Variants in UGT2B17 observed in about 807,000 individuals in gnomAD.
UGT2B17 encodes the protein UDP-glucuronosyltransferase 2B17.
UGT2B17 carries 21 observed loss-of-function variants against 48.2 expected under a neutral mutation model. That is an observed-to-expected ratio of 0.44 (90% CI 0.31 to 0.63). The LOEUF (loss-of-function observed/expected upper bound fraction) is 0.63. Among genes scored for constraint, UGT2B17 ranks in the 20% least tolerant of loss-of-function variants. UGT2B17 has a pLI of 0.08. For missense variants in UGT2B17, 402 were observed against 696.1 expected (o/e 0.58, Z 4.75); for synonymous variants, 146 against 238.4 (o/e 0.61, Z 3.57).
rs1731373094 is a variant in UGT2B17 at position 68,576,232 on chromosome 4, A to C, written c.-346T>G. ...GCCAAGAAATGTAGCAGGACGAGCC[A>C]CAGACAAAACCTCTCAGACATCGAG... On this transcript the variant is annotated 5_prime_UTR_variant, in exon 1 of 7. Coordinates refer to ENST00000317746, the MANE Select transcript of UGT2B17 (RefSeq NM_001077.4). Among the ~76,000 whole-genome samples, 1 of 126,000 alleles carries C rather than the reference A, an allele frequency of 7.9e-6. No homozygotes were observed. The highest frequency in any genetic ancestry group is 2.7e-5 in the African/African-American group (1 of 36,692). The allele number at this position is 126,000 out of a possible 152,430, so 82.7% of individuals were successfully genotyped here.
rs1465729751 is a variant in UGT2B17 at position 68,565,448 on chromosome 4, T to C, written c.873+124A>G. 4.4e-6 allele frequency: 4 copies of C among 900,750 alleles called. 1 individual carries two copies. The highest frequency in any genetic ancestry group is 5.9e-6 in the Non-Finnish European group (4 of 676,364). 55.8% of individuals were successfully genotyped at this position (900,750 alleles called of 1,614,324 possible). The stretch of plus-strand genomic sequence containing the variant: ...AGTATAGAAATATATGATTTTCTAA[T>C]GGCAAGTCCTTTTTTTTGACCTCCC... On this transcript the variant is annotated intron_variant, in intron 3 of 6. Coordinates refer to ENST00000317746, the MANE Select transcript of UGT2B17 (RefSeq NM_001077.4).
chr4:68,541,075 C>A lies in UGT2B17; in HGVS notation c.1314-3171G>T, dbSNP rs541812406. On this transcript the variant is annotated intron_variant, in intron 6 of 6. Transcript: ENST00000317746. ...ATGAGTATTTGTGTTGGTTCCATAT[C>A]TTTGATATTGTAGATAGTGCTGCAA... Among the ~76,000 whole-genome samples, 195 of 125,626 alleles carry A rather than the reference C, an allele frequency of 1.6e-3. 42 individuals carry two copies. Among genetic ancestry groups the A allele is most frequent in the African/African-American group, 5.3e-3 (194 of 36,738 alleles). The allele number at this position is 125,626 out of a possible 152,430, so 82.4% of individuals were successfully genotyped here. A position where few individuals can be genotyped will look rare whatever the true frequency, so the allele number is the denominator to read the frequency against.
intron 3 of UGT2B17, among the ~76,000 whole-genome samples, chr4:68,561,755 T>C (rs1731106991): frequency 9.3e-6 from 1 of 107,882 alleles, no homozygotes; most frequent in Middle Eastern, 5.0e-3. Context: ...ATCCATTCTC[T>C]AATGCCACAT....
intron 6 of UGT2B17, among the ~76,000 whole-genome samples, chr4:68,546,075 G>A (rs1398166804): frequency 1.6e-5 from 2 of 125,940 alleles, no homozygotes; most frequent in Admixed American, 8.1e-5. Flanking sequence ...CTCATTTTAT[G>A]AGGCCAACAT....
rs1290606106 is a variant in UGT2B17, at chr4:68,555,773, G to A, written c.1006-3862C>T. 2.7e-4 allele frequency among the ~76,000 whole-genome samples: 34 copies of A among 123,896 alleles called. 7 individuals carry two copies. Among genetic ancestry groups the A allele is most frequent in the African/African-American group, 9.0e-4 (33 of 36,616 alleles). 81.3% of individuals were successfully genotyped at this position (123,896 alleles called of 152,430 possible). A position where few individuals can be genotyped will look rare whatever the true frequency, so the allele number is the denominator to read the frequency against. ...GGGTATTTTTAAAAAAAAATTTGTA[G>A]GAAAACATTCTTTCCAAAAAAAAGT... On this transcript the variant is annotated intron_variant, in intron 4 of 6. Coordinates refer to ENST00000317746, the MANE Select transcript of UGT2B17 (RefSeq NM_001077.4).
In UGT2B17 at chr4:68,551,257, T is replaced by C. The variant is rs1283062972; in HGVS notation, c.1094-361A>G. 2.4e-5 allele frequency among the ~76,000 whole-genome samples: 3 copies of C among 126,154 alleles called. 1 individual carries two copies. The highest frequency in any genetic ancestry group is 1.5e-3 in the East Asian group (2 of 1,342). The allele number at this position is 126,154 out of a possible 152,430, so 82.8% of individuals were successfully genotyped here. Reference sequence around the variant, plus strand: ...ATAGTCTCTTAAGTAGTATAAATTATGCAGTCACATTTATATATTTAAAAA... The same window carrying C: ...ATAGTCTCTTAAGTAGTATAAATTACGCAGTCACATTTATATATTTAAAAA... On this transcript the variant is annotated intron_variant, in intron 5 of 6. Transcript: ENST00000317746.
rs550421107 is a variant in UGT2B17, at chr4:68,538,960, C to G, written c.1314-1056G>C. ...TGCTTCTATTTCTTTTTGAGGCTTC[C>G]CCTTAAATGATACCTCTTAGAGAGT... On this transcript the variant is annotated intron_variant, in intron 6 of 6. Transcript: ENST00000317746. Among the ~76,000 whole-genome samples the G allele has an allele frequency of 2.2e-4, 28 of 125,902 alleles. 10 individuals are homozygous for G. The South Asian group carries it at 8.8e-3, about 40-fold the overall frequency. The allele number at this position is 125,902 out of a possible 152,430, so 82.6% of individuals were successfully genotyped here.
Position 68,563,064 on chromosome 4 carries a change from C to T in UGT2B17, c.874-2396G>A, listed in dbSNP as rs924152979. ...ATTTGCTACTAATATTGAATCTTAC[C>T]ATCATGATTTATTCTCTGTACAGTT... On this transcript the variant is annotated intron_variant, in intron 3 of 6. Transcript: ENST00000317746. 4.8e-5 allele frequency among the ~76,000 whole-genome samples: 6 copies of T among 126,172 alleles called. 1 individual carries two copies. Among genetic ancestry groups the T allele is most frequent in the African/African-American group, 1.6e-4 (6 of 36,902 alleles). The allele number at this position is 126,172 out of a possible 152,430, so 82.8% of individuals were successfully genotyped here.
intron 4 of UGT2B17, among the ~76,000 whole-genome samples, chr4:68,552,239 T>G (rs1269968729): frequency 7.9e-6 from 1 of 126,608 alleles, no homozygotes; most frequent in African/African-American, 2.7e-5. Context: ...GCAAACCTAC[T>G]TCCCATTCTA....
rs1290549634 is a variant in UGT2B17, at chr4:68,546,531, T to A, written c.1313+4146A>T. Among the ~76,000 whole-genome samples, 4 of 125,940 alleles carry A rather than the reference T, an allele frequency of 3.2e-5. 1 individual carries two copies. The highest frequency in any genetic ancestry group is 6.7e-5 in the Non-Finnish European group (4 of 59,506). The allele number at this position is 125,940 out of a possible 152,430, so 82.6% of individuals were successfully genotyped here. ...AGACTGGTACAAGACAGGGATGCCC[T>A]CTCTCACCACTCCTATTCAACACAG... On this transcript the variant is annotated intron_variant, in intron 6 of 6. Transcript: ENST00000317746.
chr4:68,555,927 T>G (rs1413838882), intron 4 of UGT2B17, among the ~76,000 whole-genome samples: 3 of 116,840 alleles, frequency 2.6e-5, no homozygotes, highest in African/African-American at 8.7e-5. Context: ...TAAAAAGTTT[T>G]TTTTTTTTTT....
chr4:68,537,856 C>A lies in UGT2B17; in HGVS notation c.1362G>T (p.Pro454=), dbSNP rs746870450. The A allele has an allele frequency of 7.3e-7, 1 of 1,375,178 alleles. No individual in the cohort carries two copies. Among genetic ancestry groups the A allele is most frequent in the Non-Finnish European group, 9.5e-7 (1 of 1,052,734 alleles). The allele number at this position is 1,375,178 out of a possible 1,614,324, so 85.2% of individuals were successfully genotyped here. A position where few individuals can be genotyped will look rare whatever the true frequency, so the allele number is the denominator to read the frequency against. ...MKLSRIHHDQ[P]VKPLDRAVFW... is the part of the protein sequence containing the mutation. ...AGACTGCTCGATCCAGGGGCTTCAC[C>A]GGTTGATCATGATGAATTCTTGATA... Residue 454 remains proline (P), a synonymous_variant, in exon 7 of 7, where the codon CCG becomes CCT. Transcript: ENST00000317746.
In UGT2B17 at chr4:68,541,575, G is replaced by C. The variant is rs546819693; in HGVS notation, c.1314-3671C>G. On this transcript the variant is annotated intron_variant, in intron 6 of 6. Transcript: ENST00000317746. ...TGTCAGAGGGATAGATTGCAAAAAT[G>C]TTCCCTCATTCTGTAGGTTGCCTGT... 1.6e-5 allele frequency among the ~76,000 whole-genome samples: 2 copies of C among 125,866 alleles called. 1 individual carries two copies. Among genetic ancestry groups the C allele is most frequent in the Non-Finnish European group, 3.4e-5 (2 of 59,466 alleles). 82.6% of individuals were successfully genotyped at this position (125,866 alleles called of 152,430 possible).
intron 1 of UGT2B17, among the ~76,000 whole-genome samples, chr4:68,573,274 G>T (rs2109781109): frequency 7.9e-6 from 1 of 126,968 alleles, no homozygotes; most frequent in Non-Finnish European, 1.7e-5. Context: ...TCCAGTCTGG[G>T]TTAAAACTCC....
chr4:68,546,271 G>A (rs1177119752), intron 6 of UGT2B17, among the ~76,000 whole-genome samples: 2 of 125,746 alleles, frequency 1.6e-5, no homozygotes, highest in South Asian at 3.7e-4. Context: ...CTAGTTCAAC[G>A]TACACAAATC....
chr4:68,547,039 C>G lies in UGT2B17; in HGVS notation c.1313+3638G>C, dbSNP rs1730825983. Among the ~76,000 whole-genome samples the G allele has an allele frequency of 1.8e-5, 2 of 111,270 alleles. 1 individual carries two copies. The highest frequency in any genetic ancestry group is 2.0e-4 in the Admixed American group (2 of 10,146). The allele number at this position is 111,270 out of a possible 152,430, so 73.0% of individuals were successfully genotyped here. Reference sequence around the variant, plus strand: ...TAGATCCAATGCCATCCCCATCAAGCTACCAATGACTTTCTTCACAGAATT... The same window carrying G: ...TAGATCCAATGCCATCCCCATCAAGGTACCAATGACTTTCTTCACAGAATT... On this transcript the variant is annotated intron_variant, in intron 6 of 6. Transcript: ENST00000317746.
In UGT2B17 at chr4:68,574,953, C is replaced by CT. The variant is rs1731349240; in HGVS notation, c.-65+997_-65+998insA. Among the ~76,000 whole-genome samples, 40 of 67,362 alleles carry CT rather than the reference C, an allele frequency of 5.9e-4. 7 individuals carry two copies. The highest frequency in any genetic ancestry group is 8.3e-4 in the Non-Finnish European group (27 of 32,436). The allele number at this position is 67,362 out of a possible 152,430, so 44.2% of individuals were successfully genotyped here. On this transcript the variant is annotated intron_variant, in intron 1 of 6. Coordinates refer to ENST00000317746, the MANE Select transcript of UGT2B17 (RefSeq NM_001077.4). Reference sequence around the variant, plus strand: ...TACATAAATTTTACCTCCTCCCCCCCCTTTTTTTTTTGAAGATAACCATTC... The same window carrying CT: ...TACATAAATTTTACCTCCTCCCCCCCTCTTTTTTTTTTGAAGATAACCATTC...
rs1356067168 is a variant in UGT2B17 at position 68,556,105 on chromosome 4, TA to T, written c.1006-4195del. 4.9e-5 allele frequency among the ~76,000 whole-genome samples: 6 copies of T among 123,134 alleles called. 2 individuals carry two copies. The South Asian group carries it at 1.1e-3, about 23-fold the overall frequency. The allele number at this position is 123,134 out of a possible 152,430, so 80.8% of individuals were successfully genotyped here. A position where few individuals can be genotyped will look rare whatever the true frequency, so the allele number is the denominator to read the frequency against. On this transcript the variant is annotated intron_variant, in intron 4 of 6. Coordinates refer to ENST00000317746, the MANE Select transcript of UGT2B17 (RefSeq NM_001077.4). Reference sequence around the variant, plus strand: ...TCTGTGTAAGTCACAATAAGAAGATTAAAAAAACTTTTATATGATCAAGTTG... The same window carrying T: ...TCTGTGTAAGTCACAATAAGAAGATTAAAAAACTTTTATATGATCAAGTTG...
At position 68,564,072 on chromosome 4, in the gene UGT2B17, T is replaced by C. The variant is rs1436140283; in HGVS notation, c.873+1500A>G. Among the ~76,000 whole-genome samples, 5 of 123,898 alleles carry C rather than the reference T, an allele frequency of 4.0e-5. 1 individual carries two copies. The South Asian group carries it at 1.9e-3, about 47-fold the overall frequency. 81.3% of individuals were successfully genotyped at this position (123,898 alleles called of 152,430 possible). ...CACACAACACAATATGAAGTTGTGA[T>C]TATTATTGTAAAAGTAGTCATGATT... On this transcript the variant is annotated intron_variant, in intron 3 of 6. Transcript: ENST00000317746.
Sources: gnomAD v4.1 joint callset for allele counts (sites outside exome capture counted in the v4.1 genomes callset) on GRCh38, gnomAD v4.1.1 for gene constraint, MANE v1.5 for transcripts, NCBI Gene and HGNC (gene_info 2026-07-23, HGNC 2026-07-21) for gene names.